ZFYVE9: variants seen among roughly 807,000 people sequenced by gnomAD.
ZFYVE9 encodes the protein zinc finger FYVE domain-containing protein 9.
Under a neutral mutation model 126.7 loss-of-function variants are expected in ZFYVE9, and 43 were observed. The ratio of observed to expected loss-of-function variants is 0.34; its 90% CI spans 0.27 to 0.44. ZFYVE9 has a LOEUF of 0.44. ZFYVE9 is among the 20% of genes least tolerant of loss of function. ZFYVE9 has a pLI of 1.00. For synonymous variants in ZFYVE9, 521 were observed against 597.4 expected, an observed-to-expected ratio of 0.87 and a Z score of 1.87; for missense variants, 1,476 against 1,697.0, an observed-to-expected ratio of 0.87 and a Z score of 2.29.
At chr1:52,253,720 TC>T in intron 4 of ZFYVE9, 1 of 1,607,006 alleles carries the variant, frequency 6.2e-7, no homozygotes, top group Non-Finnish European at 8.5e-7. Flanking sequence ...TTGGTCACTC[TC>T]ATCTTGCAAA....
chr1:52,199,206 T>TA (rs1333518020), intron 1 of ZFYVE9, among the ~76,000 whole-genome samples: 1 of 152,018 alleles, frequency 6.6e-6, no homozygotes, highest in African/African-American at 2.4e-5. Flanking sequence ...GCTGGGACTA[T>TA]AGGCGCTGCC....
intron 16 of ZFYVE9, among the ~76,000 whole-genome samples, chr1:52,338,900 A>G (rs1037388620): frequency 8.5e-5 from 13 of 152,110 alleles, no homozygotes; most frequent in Non-Finnish European, 1.6e-4. Flanking sequence ...AATCCCAGCT[A>G]CTCAGGAGGC....
chr1:52,196,848 A>G (rs1644865406), intron 1 of ZFYVE9, among the ~76,000 whole-genome samples: 1 of 151,648 alleles, frequency 6.6e-6, no homozygotes, highest in Admixed American at 6.6e-5. Context: ...GTGTAGATGT[A>G]GAGAAGTAAG....
chr1:52,251,216 C>T (rs1557481074), intron 4 of ZFYVE9, among the ~76,000 whole-genome samples: 2 of 152,058 alleles, frequency 1.3e-5, no homozygotes. Flanking sequence ...GGATTACAGG[C>T]ACATGCCACC....
intron 10 of ZFYVE9, among the ~76,000 whole-genome samples, chr1:52,286,156 C>CA (rs370860277): frequency 0.017 from 1,562 of 90,254 alleles, 6 homozygotes; most frequent in Middle Eastern, 0.025. Context: ...GACTCTGTCT[C>CA]AAAAAAAAAA....
At chr1:52,163,890 G>A (rs1366602290) in intron 1 of ZFYVE9, among the ~76,000 whole-genome samples, 1 of 152,042 alleles carries the variant, frequency 6.6e-6, no homozygotes, top group Admixed American at 6.5e-5. Context: ...GCTTTCAGAT[G>A]GGTAGATATT....
intron 2 of ZFYVE9, among the ~76,000 whole-genome samples, chr1:52,218,270 T>C (rs1645090061): frequency 6.6e-6 from 1 of 151,614 alleles, no homozygotes; most frequent in Non-Finnish European, 1.5e-5. Context: ...TCCCCCACAA[T>C]ACCACCATAC....
chr1:52,264,379 A>G (rs113238160), intron 5 of ZFYVE9, among the ~76,000 whole-genome samples: 3 of 152,196 alleles, frequency 2.0e-5, no homozygotes, highest in South Asian at 2.1e-4. Context: ...AAGCCCATTT[A>G]TCTCTTTAAT....
chr1:52,156,489 C>T (rs561756), intron 1 of ZFYVE9, among the ~76,000 whole-genome samples: 147,361 of 152,340 alleles, frequency 0.97, 71,290 homozygotes, highest in East Asian at 1. Context: ...ACCCAGGGGA[C>T]GGAGAGCTAT....
In ZFYVE9 at chr1:52,346,576, TA is replaced by T. The variant is rs1443968845; in HGVS notation, c.*356del. 5.4e-6 allele frequency: 2 copies of T among 370,746 alleles called. No homozygotes were observed. Among genetic ancestry groups the T allele is most frequent in the African/African-American group, 4.2e-5 (2 of 47,768 alleles). 23.0% of individuals were successfully genotyped at this position (370,746 alleles called of 1,614,324 possible). A position where few individuals can be genotyped will look rare whatever the true frequency, so the allele number is the denominator to read the frequency against. On this transcript the variant is annotated 3_prime_UTR_variant, in exon 19 of 19. Transcript: ENST00000287727. ...ATGTGCTCAGAAATGCTCAAATGGG[TA>T]CAACCATCACCAAGGGTGGGATGGG... is the stretch of plus-strand genomic sequence containing the variant.
chr1:52,184,612 CGGGGGTGGGT>C (rs1302509073), intron 1 of ZFYVE9, among the ~76,000 whole-genome samples: 1 of 2,206 alleles, frequency 4.5e-4, no homozygotes, highest in African/African-American at 2.1e-3. Flanking sequence ...CGGGGGTGGG[CGGGGGTGGGT>C]CCTCAATCAG....
intron 10 of ZFYVE9, among the ~76,000 whole-genome samples, chr1:52,291,250 C>G (rs1288294498): frequency 2.6e-5 from 4 of 152,152 alleles, no homozygotes; most frequent in Non-Finnish European, 5.9e-5. Flanking sequence ...GGGAGGTATT[C>G]CCTTCACTTG....
At chr1:52,298,837 T>A (rs1373389830) in intron 12 of ZFYVE9, among the ~76,000 whole-genome samples, 1 of 128,864 alleles carries the variant, frequency 7.8e-6, no homozygotes, top group East Asian at 2.2e-4. Flanking sequence ...TGAGACGGAG[T>A]CTTGCTCTGT....
intron 2 of ZFYVE9, among the ~76,000 whole-genome samples, chr1:52,223,230 C>T (rs1338212034): frequency 6.6e-6 from 1 of 152,158 alleles, no homozygotes; most frequent in Non-Finnish European, 1.5e-5. Context: ...GACATTCCCT[C>T]TTAAAATGTC....
intron 16 of ZFYVE9, among the ~76,000 whole-genome samples, chr1:52,339,604 A>G (rs1169995437): frequency 6.6e-6 from 1 of 152,134 alleles, no homozygotes; most frequent in Non-Finnish European, 1.5e-5. Flanking sequence ...GATTCTTAAT[A>G]AATATTTATT....
chr1:52,274,650 A>G, intron 8 of ZFYVE9, 66 bp downstream of exon 8: 1 of 1,456,814 alleles, frequency 6.9e-7, no homozygotes, highest in Non-Finnish European at 9.2e-7. Flanking sequence ...TAATTAAGGT[A>G]GAGAGACAGA....
chr1:52,276,157 C>T (rs1403996599), intron 8 of ZFYVE9, among the ~76,000 whole-genome samples: 8 of 152,084 alleles, frequency 5.3e-5, no homozygotes, highest in Non-Finnish European at 1.0e-4. Flanking sequence ...TTGCCCACCT[C>T]GGCCTCCCAA....
intron 1 of ZFYVE9, chr1:52,160,447 T>C: frequency 1.1e-6 from 1 of 870,042 alleles, no homozygotes; most frequent in Non-Finnish European, 2.0e-6. Flanking sequence ...TGCCTTTCTA[T>C]GTGTGACCTG....
intron 1 of ZFYVE9, among the ~76,000 whole-genome samples, chr1:52,211,258 A>G (rs1314858477): frequency 1.3e-5 from 2 of 152,322 alleles, no homozygotes; most frequent in African/African-American, 2.4e-5. Context: ...AAGGAGACAT[A>G]GATTTCACCA....
Sources: allele counts gnomAD v4.1 joint callset (sites outside exome capture counted in the v4.1 genomes callset), GRCh38; gene constraint gnomAD v4.1.1; transcripts MANE v1.5; gene names NCBI Gene and HGNC (gene_info 2026-07-23, HGNC 2026-07-21).